Variants in RAD21 observed in about 807,000 individuals in gnomAD.
The protein encoded by RAD21 is double-strand-break repair protein rad21 homolog.
A neutral mutation model predicts 71.5 loss-of-function variants in RAD21; 18 were observed. That is an observed-to-expected ratio of 0.25 (90% CI 0.17 to 0.37). RAD21 has a LOEUF of 0.37. RAD21 is among the 10% of genes least tolerant of loss of function. The pLI, the probability that RAD21 is intolerant of heterozygous loss-of-function variation, is 1.00. For synonymous variants in RAD21, 248 were observed against 254.0 expected (o/e 0.98, Z 0.22); for missense variants, 493 against 769.1 (o/e 0.64, Z 4.25).
intron 12 of RAD21, chr8:116,849,576 T>A (rs1446797836): frequency 6.6e-6 from 1 of 152,204 alleles, no homozygotes; most frequent in Non-Finnish European, 1.5e-5. Flanking sequence ...TTATTATATA[T>A]TTCACTTGAG....
intron 1 of RAD21, among the ~76,000 whole-genome samples, chr8:116,872,604 A>G (rs1287459832): frequency 1.8e-4 from 27 of 152,158 alleles, no homozygotes. Flanking sequence ...CCACCTATTC[A>G]AAGTAAAAAC....
intron 7 of RAD21, among the ~76,000 whole-genome samples, 165 bp from the exon 8 acceptor site, chr8:116,856,453 A>C (rs1398589345): frequency 6.6e-6 from 1 of 152,168 alleles, no homozygotes; most frequent in African/African-American, 2.4e-5. Context: ...CCAGACTTGA[A>C]CCCAATTGGC....
intron 5 of RAD21, 23 bp from the exon 6 acceptor site, chr8:116,857,496 T>C (rs1475607510): frequency 4.4e-6 from 7 of 1,584,436 alleles, no homozygotes; most frequent in African/African-American, 2.7e-5. Flanking sequence ...TAATTTGTCA[T>C]TAGTTTAGAA....
chr8:116,848,076 A>G (rs564649476), intron 13 of RAD21, among the ~76,000 whole-genome samples: 1 of 152,354 alleles, frequency 6.6e-6, no homozygotes, highest in African/African-American at 2.4e-5. Flanking sequence ...TGCTTCTTGT[A>G]TAGTCTGCAG....
chr8:116,866,786 G>A (rs1344472970), intron 1 of RAD21, 25 bp from the exon 2 acceptor site: 1 of 1,467,698 alleles, frequency 6.8e-7, no homozygotes, highest in East Asian at 2.4e-5. Context: ...AAAAGTTAAT[G>A]TAAACATCAT....
chr8:116,855,693 C>A (rs1359253876), intron 8 of RAD21, among the ~76,000 whole-genome samples: 1 of 151,406 alleles, frequency 6.6e-6, no homozygotes, highest in Admixed American at 6.6e-5. Flanking sequence ...AGCCACCACA[C>A]CAGCCTCTAG....
In RAD21 at chr8:116,855,054, G is replaced by C. The variant is rs113787795; in HGVS notation, c.938-586C>G. Among the ~76,000 whole-genome samples, 153 of 151,874 alleles carry C rather than the reference G, an allele frequency of 1.0e-3. 1 individual carries two copies. Among genetic ancestry groups the C allele is most frequent in the African/African-American group, 3.4e-3 (140 of 41,434 alleles). On this transcript the variant is annotated intron_variant, in intron 8 of 13. Transcript: ENST00000297338. The stretch of plus-strand genomic sequence containing the variant: ...TTGTATTGCCTCACTTTTTTAAAAT[G>C]CAGAAAAGCGCATGGGGTTAAATAA...
intron 1 of RAD21, among the ~76,000 whole-genome samples, chr8:116,873,004 G>A (rs1812864845): frequency 6.6e-6 from 1 of 152,174 alleles, no homozygotes; most frequent in African/African-American, 2.4e-5. Context: ...AAAAGATTAT[G>A]AAAATTAAAT....
chr8:116,852,312 T>C lies in RAD21; in HGVS notation c.1322-216A>G, dbSNP rs2241982. The C allele has an allele frequency of 0.053, 33,915 of 641,926 alleles. 2,226 individuals carry two copies. Among genetic ancestry groups the C allele is most frequent in the African/African-American group, 0.22 (11,906 of 54,644 alleles). The allele number at this position is 641,926 out of a possible 1,614,324, so 39.8% of individuals were successfully genotyped here. ...TTAAAAGGACAAGTCCTACCCTCAGTACAATGTAGGACAATTCTTTAGCAG... is the reference window on the plus strand; with the variant it reads ...TTAAAAGGACAAGTCCTACCCTCAGCACAATGTAGGACAATTCTTTAGCAG... On this transcript the variant is annotated intron_variant, in intron 10 of 13. Coordinates refer to ENST00000297338, the MANE Select transcript of RAD21 (RefSeq NM_006265.3).
In RAD21 at chr8:116,847,285, T is replaced by C. The variant is rs541254031; in HGVS notation, c.*215A>G. 2 of 470,894 alleles carry C rather than the reference T, an allele frequency of 4.2e-6. No individual in the cohort carries two copies. The highest frequency in any genetic ancestry group is 3.7e-6 in the Non-Finnish European group (1 of 266,758). 29.2% of individuals were successfully genotyped at this position (470,894 alleles called of 1,614,324 possible). ...CTTCTGAGTCCTTGGGGTGCTGTTT[T>C]CTCCATCAGAACACAAACACAACCC... On this transcript the variant is annotated 3_prime_UTR_variant, in exon 14 of 14. Transcript: ENST00000297338.
intron 4 of RAD21, 102 bp from the exon 5 acceptor site, chr8:116,858,560 A>G: frequency 1.2e-6 from 1 of 819,692 alleles, no homozygotes; most frequent in Non-Finnish European, 1.9e-6. Flanking sequence ...TATATGTATA[A>G]CCCACCAAGT....
Position 116,847,203 on chromosome 8 carries a change from T to A in RAD21, c.*297A>T, listed in dbSNP as rs1009122217. 3 of 296,762 alleles carry A rather than the reference T, an allele frequency of 1.0e-5. No homozygotes were observed. The highest frequency in any genetic ancestry group is 4.3e-5 in the African/African-American group (2 of 46,970). The allele number at this position is 296,762 out of a possible 1,614,324, so 18.4% of individuals were successfully genotyped here. A position where few individuals can be genotyped will look rare whatever the true frequency, so the allele number is the denominator to read the frequency against. On this transcript the variant is annotated 3_prime_UTR_variant, in exon 14 of 14. Coordinates refer to ENST00000297338, the MANE Select transcript of RAD21 (RefSeq NM_006265.3). ...AAAAATCATGACTTTTGACTGCCAC[T>A]CAACATTATTACATGCACCAATATT...
intron 3 of RAD21, among the ~76,000 whole-genome samples, chr8:116,862,842 A>C (rs769894933): frequency 1.3e-5 from 2 of 152,168 alleles, no homozygotes; most frequent in Non-Finnish European, 2.9e-5. Flanking sequence ...TAACCTCTTG[A>C]TGACTCAAGT....
rs1372903524 is a variant in RAD21, at chr8:116,861,947, A to AAGAAATGCTAAGCTT, written c.275-22_275-8dup. 1 of 1,588,010 alleles carries AAGAAATGCTAAGCTT rather than the reference A, an allele frequency of 6.3e-7. No individual in the cohort carries two copies. Among genetic ancestry groups the AAGAAATGCTAAGCTT allele is most frequent in the Admixed American group, 1.7e-5 (1 of 59,804 alleles). ...TCAGGCAGGTCAACCACACCTAGAA[A>AAGAAATGCTAAGCTT]AGAAATGCTAAGCTTAAATATCTAG... On this transcript the variant is annotated splice_region_variant and splice_polypyrimidine_tract_variant and intron_variant, in intron 3 of 13. Coordinates refer to ENST00000297338, the MANE Select transcript of RAD21 (RefSeq NM_006265.3).
rs542080108 is a variant in RAD21, at chr8:116,847,391, T to C, written c.*109A>G. The C allele has an allele frequency of 9.2e-6, 9 of 973,342 alleles. No homozygotes were observed. The East Asian group carries it at 1.1e-4, about 11-fold the overall frequency. The allele number at this position is 973,342 out of a possible 1,614,324, so 60.3% of individuals were successfully genotyped here. ...ATGAAGAAGGAAAAAGGCAAAGACT[T>C]TGTACAGACAAAAATCTAAGTTTTC... On this transcript the variant is annotated 3_prime_UTR_variant, in exon 14 of 14. Coordinates refer to ENST00000297338, the MANE Select transcript of RAD21 (RefSeq NM_006265.3).
intron 1 of RAD21, among the ~76,000 whole-genome samples, chr8:116,870,302 G>GA (rs1812787475): frequency 6.6e-6 from 1 of 152,100 alleles, no homozygotes; most frequent in Non-Finnish European, 1.5e-5. Flanking sequence ...CAAGGTAAGA[G>GA]GAATGCTTGA....
Position 116,856,730 on chromosome 8 carries a change from C to A in RAD21, c.730G>T (p.Asp244Tyr). Reference protein sequence around the residue: ...ISNNDGGIFDDPPALSEAGVM... With the variant: ...ISNNDGGIFDYPPALSEAGVM... ...CCTGCCTCAGAGAGGGCAGGGGGAT[C>A]ATCAAAGATACCGCCATCATTATTA... The change falls in exon 7 of 14, where the codon GAT (aspartate) becomes TAT (tyrosine). Residue 244 changes from aspartate (D) to tyrosine (Y), a missense_variant. Asp to Tyr is a radical substitution (Grantham distance 160). Around this residue, in one of 5 missense-constraint regions of RAD21, gnomAD observed 165 missense variants for 229.6 expected, o/e 0.72. Coordinates refer to ENST00000297338, the MANE Select transcript of RAD21 (RefSeq NM_006265.3). 6.4e-7 allele frequency: 1 copy of A among 1,563,168 alleles called. No homozygotes were observed. Among genetic ancestry groups the A allele is most frequent in the Non-Finnish European group, 8.7e-7 (1 of 1,152,600 alleles).
intron 1 of RAD21, among the ~76,000 whole-genome samples, chr8:116,867,717 G>A (rs1812725491): frequency 6.6e-6 from 1 of 152,176 alleles, no homozygotes; most frequent in Admixed American, 6.5e-5. Context: ...ATAAAATCAA[G>A]TGCATGTACA....
chr8:116,859,939 A>T (rs1169369959), intron 4 of RAD21, among the ~76,000 whole-genome samples: 1 of 152,206 alleles, frequency 6.6e-6, no homozygotes, highest in African/African-American at 2.4e-5. Flanking sequence ...ATGCTACTCT[A>T]GTGAACATGA....
Sources: gnomAD v4.1 joint callset for allele counts (sites outside exome capture counted in the v4.1 genomes callset) on GRCh38, gnomAD v4.1.1 for gene constraint, gnomAD v4.1.1 regional missense constraint, MANE v1.5 for transcripts, NCBI Gene and HGNC (gene_info 2026-07-23, HGNC 2026-07-21) for gene names.